NSD2: variants seen among roughly 807,000 people sequenced by gnomAD.
NSD2 encodes nuclear receptor binding SET domain protein 2, also known as histone-lysine N-methyltransferase NSD2.
A neutral mutation model predicts 139.0 loss-of-function variants in NSD2; 12 were observed. The observed-to-expected ratio is 0.09, with a 90% CI of 0.06 to 0.14. The LOEUF (loss-of-function observed/expected upper bound fraction) is 0.14. NSD2 is among the 10% of genes least tolerant of loss of function. The pLI is 1.00. For synonymous variants in NSD2, 669 were observed against 648.7 expected (o/e 1.03, Z -0.48); for missense variants, 1,155 against 1,745.0 (o/e 0.66, Z 6.02).
intron 1 of NSD2, among the ~76,000 whole-genome samples, chr4:1,875,147 A>G (rs1714155152): frequency 6.6e-6 from 1 of 151,696 alleles, no homozygotes; most frequent in South Asian, 2.1e-4. Flanking sequence ...TTTTTTATGG[A>G]GTCAGTCTTG....
chr4:1,904,184 G>C (rs561897083), intron 2 of NSD2, 32 bp from the exon 3 acceptor site: 1 of 1,605,394 alleles, frequency 6.2e-7, no homozygotes, highest in South Asian at 1.1e-5. Flanking sequence ...GATTGGATGT[G>C]TTAGTGTTTG....
Position 1,900,632 on chromosome 4 carries a change from A to G in NSD2, c.-23A>G, listed in dbSNP as rs1717027794. On this transcript the variant is annotated 5_prime_UTR_variant, in exon 2 of 22. An upstream open reading frame in the 5' UTR loses its in-frame stop. Coordinates refer to ENST00000508803, the MANE Select transcript of NSD2 (RefSeq NM_001042424.3). ...CTTTTTTTTAATACCATAGTGTTCT[A>G]AGAACGGAAGCATCTGGGCTGGATG... 1.3e-6 allele frequency: 2 copies of G among 1,525,140 alleles called. No homozygotes were observed. Among genetic ancestry groups the G allele is most frequent in the Admixed American group, 2.3e-5 (1 of 43,790 alleles). 94.5% of individuals were successfully genotyped at this position (1,525,140 alleles called of 1,614,324 possible). A position where few individuals can be genotyped will look rare whatever the true frequency, so the allele number is the denominator to read the frequency against.
intron 9 of NSD2, among the ~76,000 whole-genome samples, chr4:1,949,447 G>A (rs1338933678): frequency 6.6e-6 from 1 of 152,204 alleles, no homozygotes; most frequent in Non-Finnish European, 1.5e-5. Flanking sequence ...TCACCAGTCA[G>A]AGGCGACGGA....
At chr4:1,960,310 C>T in intron 17 of NSD2, among the ~76,000 whole-genome samples, 1 of 152,126 alleles carries the variant, frequency 6.6e-6, no homozygotes, top group African/African-American at 2.4e-5. Context: ...GTGAAGTGAC[C>T]CACTTTCCTC....
chr4:1,883,631 CAAA>C (rs558413845), intron 1 of NSD2, among the ~76,000 whole-genome samples: 18 of 74,140 alleles, frequency 2.4e-4, no homozygotes, highest in Non-Finnish European at 3.2e-4. Context: ...ACTTTGTTTC[CAAA>C]AAAAAAAAAA....
At chr4:1,923,496 G>C (rs755977468) in intron 5 of NSD2, among the ~76,000 whole-genome samples, 3 of 152,150 alleles carry the variant, frequency 2.0e-5, no homozygotes, top group Non-Finnish European at 4.4e-5. Flanking sequence ...TGTATGTTAC[G>C]ATCCTGGTGG....
intron 1 of NSD2, among the ~76,000 whole-genome samples, chr4:1,884,560 A>G (rs922302881): frequency 1.3e-5 from 2 of 151,738 alleles, no homozygotes; most frequent in African/African-American, 4.8e-5. Context: ...CGCCTAGCTA[A>G]TTTTTATATT....
At position 1,918,648 on chromosome 4, in the gene NSD2, C is replaced by G. The variant is rs377495411; in HGVS notation, c.1410+25C>G. 124 of 1,605,802 alleles carry G rather than the reference C, an allele frequency of 7.7e-5. No individual in the cohort carries two copies. In the African/African-American group the frequency reaches 1.5e-3, roughly 20 times the overall value. On this transcript the variant is annotated intron_variant, in intron 5 of 21. Transcript: ENST00000508803. ...GGTCAGTACTAAGTTGTGTTTCATG[C>G]TAGCAAGTTTCAGAATTTGAGGAAC...
chr4:1,940,878 T>G (rs972225096), intron 9 of NSD2: 1 of 1,057,572 alleles, frequency 9.5e-7, no homozygotes, highest in African/African-American at 1.6e-5. Flanking sequence ...CATAGAGCTC[T>G]GCGGCTTGCC....
chr4:1,953,166 A>G (rs1254234123), intron 11 of NSD2, 158 bp from the exon 12 acceptor site: 1 of 1,553,256 alleles, frequency 6.4e-7, no homozygotes, highest in Non-Finnish European at 8.7e-7. Flanking sequence ...TTTGCTGGAG[A>G]ATGCTTGGAC....
At chr4:1,925,502 G>C (rs1371346872) in intron 5 of NSD2, among the ~76,000 whole-genome samples, 1 of 138,518 alleles carries the variant, frequency 7.2e-6, no homozygotes, top group East Asian at 2.4e-4. Flanking sequence ...GGGTTCAAGC[G>C]ATTCTCCTGC....
chr4:1,901,818 T>G (rs1028259851), intron 2 of NSD2, among the ~76,000 whole-genome samples: 1 of 152,228 alleles, frequency 6.6e-6, no homozygotes, highest in African/African-American at 2.4e-5. Flanking sequence ...GGGATGTGTC[T>G]TTTGCCTCCT....
At chr4:1,963,693 A>G (rs1396392984) in intron 18 of NSD2, among the ~76,000 whole-genome samples, 1 of 152,228 alleles carries the variant, frequency 6.6e-6, no homozygotes, top group Non-Finnish European at 1.5e-5. Context: ...ACATTTAAGC[A>G]ATTCATACCT....
At chr4:1,903,732 A>ATTTT (rs1219690096) in intron 2 of NSD2, among the ~76,000 whole-genome samples, 5 of 136,630 alleles carry the variant, frequency 3.7e-5, no homozygotes, top group African/African-American at 1.4e-4. Context: ...TGAGAGAGAA[A>ATTTT]TTTTTTTTTT....
chr4:1,921,701 G>C (rs1322746701), intron 5 of NSD2, among the ~76,000 whole-genome samples: 3 of 147,602 alleles, frequency 2.0e-5, no homozygotes, highest in Non-Finnish European at 4.4e-5. Flanking sequence ...AGAATCGGTT[G>C]AACCTGGGAG....
Position 1,981,590 on chromosome 4 carries a change from GGGA to G in NSD2, c.*2682_*2684del. The G allele has an allele frequency of 5.6e-6, 2 of 359,376 alleles. No individual in the cohort carries two copies. The highest frequency in any genetic ancestry group is 9.9e-6 in the Non-Finnish European group (2 of 201,576). The allele number at this position is 359,376 out of a possible 1,614,324, so 22.3% of individuals were successfully genotyped here. On this transcript the variant is annotated 3_prime_UTR_variant, in exon 22 of 22. Coordinates refer to ENST00000508803, the MANE Select transcript of NSD2 (RefSeq NM_001042424.3). ...CAGCTTAAAATGTGGTCACCTGTGG[GGGA>G]AACTCTTCAGGCACCTGAAGTGAGA...
chr4:1,971,079 C>T (rs1213655456), intron 18 of NSD2, among the ~76,000 whole-genome samples: 10 of 152,138 alleles, frequency 6.6e-5, no homozygotes, highest in Admixed American at 6.5e-4. Context: ...TGTGGGCAGG[C>T]CGGGTGCAGT....
intron 5 of NSD2, among the ~76,000 whole-genome samples, chr4:1,919,954 T>G (rs1245782312): frequency 6.6e-6 from 1 of 151,766 alleles, no homozygotes; most frequent in African/African-American, 2.4e-5. Flanking sequence ...GGAAAAAAAG[T>G]CTGTCTTCAA....
intron 5 of NSD2, among the ~76,000 whole-genome samples, chr4:1,919,704 C>T (rs556737584): frequency 3.9e-5 from 6 of 152,018 alleles, no homozygotes; most frequent in Non-Finnish European, 8.8e-5. Flanking sequence ...GAAGCTGAGG[C>T]GGGTGGATCA....
Sources: allele counts gnomAD v4.1 joint callset (sites outside exome capture counted in the v4.1 genomes callset), GRCh38; gene constraint gnomAD v4.1.1; transcripts MANE v1.5; gene names NCBI Gene and HGNC (gene_info 2026-07-23, HGNC 2026-07-21).